CPLANE1: variants seen among roughly 807,000 people sequenced by gnomAD.
CPLANE1 encodes the protein ciliogenesis and planar polarity effector 1.
CPLANE1 carries 263 observed loss-of-function variants against 362.5 expected under a neutral mutation model. That is an observed-to-expected ratio of 0.73 (90% confidence interval 0.66 to 0.80). CPLANE1 has a LOEUF of 0.80. Among genes scored for constraint, CPLANE1 ranks in the 30% least tolerant of loss-of-function variants. CPLANE1 has a pLI of 0.00. For synonymous variants in CPLANE1, 1,212 were observed against 1,302.6 expected (o/e 0.93, Z 1.50); for missense variants, 3,461 against 3,793.4 (o/e 0.91, Z 2.30).
At chr5:37,078,629 G>A in the CPLANE1 span, among the ~76,000 whole-genome samples, 1 of 151,892 alleles carries the variant, frequency 6.6e-6, no homozygotes, top group Non-Finnish European at 1.5e-5. Flanking sequence ...TTGCCACACT[G>A]TCTTCCACAA....
chr5:37,233,177 C>A (rs1798135455), intron 8 of CPLANE1, among the ~76,000 whole-genome samples: 1 of 152,176 alleles, frequency 6.6e-6, no homozygotes. Context: ...GGCATCCAAG[C>A]CTAGAGCAGC....
At chr5:37,228,851 A>C (rs1420266305) in intron 9 of CPLANE1, among the ~76,000 whole-genome samples, 3 of 152,212 alleles carry the variant, frequency 2.0e-5, no homozygotes, top group Admixed American at 6.5e-5. Flanking sequence ...TATTAATTTT[A>C]AAGGAGAATA....
downstream of CPLANE1, among the ~76,000 whole-genome samples, chr5:37,103,042 T>C (rs1444443750): frequency 6.6e-6 from 1 of 152,222 alleles, no homozygotes; most frequent in Non-Finnish European, 1.5e-5. Flanking sequence ...TGAAGGTCTC[T>C]AAGAACTTGC....
At chr5:37,147,634 A>G (rs1772065390) in intron 43 of CPLANE1, among the ~76,000 whole-genome samples, 1 of 152,198 alleles carries the variant, frequency 6.6e-6, no homozygotes, top group African/African-American at 2.4e-5. Flanking sequence ...AAGAGAATTA[A>G]CAAACACTGG....
At position 37,244,432 on chromosome 5, in the gene CPLANE1, G is replaced by A. The variant is rs914738528; in HGVS notation, c.513C>T (p.Leu171=). 27 of 1,551,434 alleles carry A rather than the reference G, an allele frequency of 1.7e-5. No homozygotes were observed. Among genetic ancestry groups the A allele is most frequent in the Non-Finnish European group, 2.0e-5 (23 of 1,146,936 alleles). The change falls in exon 5 of 53, where the codon CTC becomes CTT. Residue 171 remains leucine, a synonymous_variant. Coordinates refer to ENST00000651892, the MANE Select transcript of CPLANE1 (RefSeq NM_001384732.1). ...WSQVIPEEAV[L]LPSTEDKEAV... is the part of the protein sequence containing the mutation. ...CTTCTTTATCTTCGGTGGAAGGCAA[G>A]AGAACTGCTTCTTCAGGTATGACCT...
At chr5:37,080,441 G>GT in the CPLANE1 span, among the ~76,000 whole-genome samples, 2 of 152,118 alleles carry the variant, frequency 1.3e-5, no homozygotes, top group Non-Finnish European at 2.9e-5. Context: ...TAATTTGGGG[G>GT]TTTTTTTCCA....
At chr5:37,231,402 T>A (rs1273778834) in intron 8 of CPLANE1, among the ~76,000 whole-genome samples, 1 of 151,982 alleles carries the variant, frequency 6.6e-6, no homozygotes, top group Admixed American at 6.6e-5. Flanking sequence ...CAACACCGTC[T>A]CTACAAAAAT....
Position 37,181,093 on chromosome 5 carries a change from T to C in CPLANE1, c.5422-88A>G, listed in dbSNP as rs375430050. Reference sequence around the variant, plus strand: ...AAATTATTCATTCTTTCTACAGGAATTCTGAATAATCCTCTTATTCATTTA... The same window carrying C: ...AAATTATTCATTCTTTCTACAGGAACTCTGAATAATCCTCTTATTCATTTA... On this transcript the variant is annotated intron_variant, in intron 26 of 52. Transcript: ENST00000651892. 18 of 1,090,612 alleles carry C rather than the reference T, an allele frequency of 1.7e-5. No homozygotes were observed. The African/African-American group carries it at 2.5e-4, about 15-fold the overall frequency. The allele number at this position is 1,090,612 out of a possible 1,614,324, so 67.6% of individuals were successfully genotyped here.
intron 42 of CPLANE1, among the ~76,000 whole-genome samples, chr5:37,151,453 A>C (rs528368803): frequency 1.2e-4 from 18 of 152,158 alleles, no homozygotes; most frequent in Non-Finnish European, 2.6e-4. Flanking sequence ...ACACTCCTTG[A>C]GAGTAGGTAC....
chr5:37,227,469 T>C (rs1796700414), intron 10 of CPLANE1, 77 bp from the exon 11 acceptor site: 15 of 1,478,084 alleles, frequency 1.0e-5, no homozygotes, highest in South Asian at 1.4e-5. Context: ...AAAAATTCTA[T>C]AGACAACTGT....
At chr5:37,122,319 GT>G in intron 48 of CPLANE1, 110 bp downstream of exon 48, 1 of 842,582 alleles carries the variant, frequency 1.2e-6, no homozygotes, top group Non-Finnish European at 1.9e-6. Context: ...ATAATTCTCT[GT>G]TTATTGACAA....
At chr5:37,124,538 G>GT (rs1763629259) in intron 47 of CPLANE1, among the ~76,000 whole-genome samples, 1 of 151,990 alleles carries the variant, frequency 6.6e-6, no homozygotes, top group Admixed American at 6.6e-5. Flanking sequence ...AAATTGAAGG[G>GT]TTTTTTATTT....
the CPLANE1 span, among the ~76,000 whole-genome samples, chr5:37,100,536 G>A: frequency 6.6e-6 from 1 of 152,186 alleles, no homozygotes; most frequent in African/African-American, 2.4e-5. Context: ...TTGAAGTCAG[G>A]TAGCATGATG....
At chr5:37,218,908 A>G (rs1794746507) in intron 15 of CPLANE1, among the ~76,000 whole-genome samples, 1 of 151,756 alleles carries the variant, frequency 6.6e-6, no homozygotes, top group Admixed American at 6.6e-5. Context: ...AGATAGTGCC[A>G]TTGCACACTA....
At chr5:37,081,001 T>C in the CPLANE1 span, among the ~76,000 whole-genome samples, 1 of 152,168 alleles carries the variant, frequency 6.6e-6, no homozygotes, top group African/African-American at 2.4e-5. Flanking sequence ...TCTGTTACAA[T>C]TCACCCACTA....
In CPLANE1 at chr5:37,230,883, G is replaced by A. The variant is rs1247233752; in HGVS notation, c.1105C>T (p.Pro369Ser). ...FGPAEFIPLH[P>S]LITYRPQQFT... is the part of the protein sequence containing the mutation. Reference sequence around the variant, plus strand: ...ATGTCTCACCTATACGTTATTAGTGGATGAAGAGGAATAAATTCTGCTGGG... The same window carrying A: ...ATGTCTCACCTATACGTTATTAGTGAATGAAGAGGAATAAATTCTGCTGGG... The change falls in exon 9 of 53, where the codon CCA becomes TCA. Residue 369 changes from proline (P) to serine (S), a missense_variant. Transcript: ENST00000651892. 1.3e-6 allele frequency: 2 copies of A among 1,536,616 alleles called. No homozygotes were observed. The highest frequency in any genetic ancestry group is 2.1e-5 in the Admixed American group (1 of 48,720).
intron 8 of CPLANE1, among the ~76,000 whole-genome samples, chr5:37,234,573 A>G (rs1218377350): frequency 1.3e-5 from 2 of 151,958 alleles, no homozygotes; most frequent in African/African-American, 4.8e-5. Context: ...GAACTTATAA[A>G]TTATCAGTAT....
rs780243951 is a variant in CPLANE1 at position 37,175,986 on chromosome 5, A to G, written c.5901T>C (p.Gly1967=). 2.5e-6 allele frequency: 4 copies of G among 1,605,768 alleles called. No individual in the cohort carries two copies. Among genetic ancestry groups the G allele is most frequent in the Middle Eastern group, 1.7e-4 (1 of 5,992 alleles). ...IMEEKSTEQK[G]MIEAFSHPGH... ...CAGGATGTGAAAAGGCTTCGATCATACTATCAATAAAAATTAACAGGTGAT... is the reference window on the plus strand; with the variant it reads ...CAGGATGTGAAAAGGCTTCGATCATGCTATCAATAAAAATTAACAGGTGAT... The change falls in exon 31 of 53, where the codon GGT becomes GGC. Residue 1967 remains glycine (G), a splice_region_variant and synonymous_variant. Transcript: ENST00000651892.
chr5:37,171,838 G>A (rs1189680501), intron 32 of CPLANE1, among the ~76,000 whole-genome samples: 3 of 151,694 alleles, frequency 2.0e-5, no homozygotes, highest in Admixed American at 2.0e-4. Flanking sequence ...CCAGGCTGGA[G>A]TGCAGTGGAC....
Sources: gnomAD v4.1 joint callset for allele counts (sites outside exome capture counted in the v4.1 genomes callset) on GRCh38, gnomAD v4.1.1 for gene constraint, MANE v1.5 for transcripts, NCBI Gene and HGNC (gene_info 2026-07-23, HGNC 2026-07-21) for gene names.